CMIP: variants seen among roughly 807,000 people sequenced by gnomAD.
CMIP encodes the protein c-Maf inducing protein.
In CMIP, 13 loss-of-function variants were observed where a neutral mutation model predicts 97.3. The ratio of observed to expected loss-of-function variants is 0.13; its 90% CI spans 0.09 to 0.21. The LOEUF (loss-of-function observed/expected upper bound fraction) is 0.21. Ranked by LOEUF, CMIP falls within the 10% of genes least tolerant of loss-of-function variation. The pLI is 1.00. For synonymous variants in CMIP, 538 were observed against 436.3 expected, an observed-to-expected ratio of 1.23 and a Z score of -2.91; for missense variants, 847 against 1,024.9, an observed-to-expected ratio of 0.83 and a Z score of 2.37.
chr16:81,705,032 C>G (rs988354348), intron 18 of CMIP, among the ~76,000 whole-genome samples: 1 of 152,074 alleles, frequency 6.6e-6, no homozygotes. Context: ...CTGCACTGCT[C>G]AGTACTCTGC....
chr16:81,609,380 G>A (rs533444067), intron 2 of CMIP, among the ~76,000 whole-genome samples: 8 of 152,322 alleles, frequency 5.3e-5, no homozygotes, highest in South Asian at 2.1e-4. Context: ...CCCCCTCGGC[G>A]GGGGAGATGG....
intron 3 of CMIP, among the ~76,000 whole-genome samples, chr16:81,647,299 G>A (rs554911913): frequency 1.8e-4 from 28 of 152,226 alleles, no homozygotes; most frequent in Admixed American, 3.9e-4. Flanking sequence ...CAAAGGGCCA[G>A]ATAGCAAATA....
intron 1 of CMIP, among the ~76,000 whole-genome samples, chr16:81,461,563 C>T (rs996852380): frequency 6.6e-6 from 1 of 152,226 alleles, no homozygotes; most frequent in Non-Finnish European, 1.5e-5. Flanking sequence ...TGTAGCCCAG[C>T]TTCTTTCACT....
intron 1 of CMIP, among the ~76,000 whole-genome samples, chr16:81,521,382 C>G (rs904605820): frequency 2.0e-5 from 3 of 152,058 alleles, no homozygotes; most frequent in Non-Finnish European, 4.4e-5. Flanking sequence ...TTGCCACCCC[C>G]CCCCGAATAG....
chr16:81,670,112 C>G, intron 7 of CMIP, 30 bp from the exon 8 acceptor site: 1 of 1,586,748 alleles, frequency 6.3e-7, no homozygotes, highest in Non-Finnish European at 8.6e-7. Context: ...CTAGCACCGT[C>G]CCGACTCCTG....
At chr16:81,623,275 A>G (rs1304419714) in intron 3 of CMIP, among the ~76,000 whole-genome samples, 2 of 152,226 alleles carry the variant, frequency 1.3e-5, no homozygotes, top group African/African-American at 4.8e-5. Flanking sequence ...AACTGGGATC[A>G]CTGTGTTTCT....
At chr16:81,637,320 G>T (rs1051705734) in intron 3 of CMIP, among the ~76,000 whole-genome samples, 2 of 152,294 alleles carry the variant, frequency 1.3e-5, no homozygotes, top group Admixed American at 6.5e-5. Flanking sequence ...TGATACACCT[G>T]CCTCGGCCAC....
intron 1 of CMIP, among the ~76,000 whole-genome samples, chr16:81,455,297 T>C (rs1288296622): frequency 6.6e-6 from 1 of 152,190 alleles, no homozygotes. Flanking sequence ...GGCTATGCTA[T>C]GCAGGTTTTA....
chr16:81,617,324 G>C (rs186394292), intron 2 of CMIP: 1 of 152,470 alleles, frequency 6.6e-6, no homozygotes. Flanking sequence ...GGGGCATGCA[G>C]GTGGTAGTCC....
At chr16:81,484,582 G>C (rs2089286151) in intron 1 of CMIP, among the ~76,000 whole-genome samples, 1 of 152,102 alleles carries the variant, frequency 6.6e-6, no homozygotes. Flanking sequence ...GGCAGGAGTG[G>C]GTTTTTGTAG....
At chr16:81,577,351 CCAT>C (rs1265522070) in intron 1 of CMIP, among the ~76,000 whole-genome samples, 1 of 148,940 alleles carries the variant, frequency 6.7e-6, no homozygotes, top group African/African-American at 2.5e-5. Flanking sequence ...ACCATCATCA[CCAT>C]CACCACCATC....
At chr16:81,579,151 A>T (rs922578345) in intron 1 of CMIP, among the ~76,000 whole-genome samples, 4 of 152,014 alleles carry the variant, frequency 2.6e-5, no homozygotes, top group African/African-American at 4.8e-5. Flanking sequence ...TGGGGATGGC[A>T]CCCCCCTGCC....
At chr16:81,651,772 G>A (rs146603737) in intron 3 of CMIP, among the ~76,000 whole-genome samples, 2 of 152,298 alleles carry the variant, frequency 1.3e-5, no homozygotes, top group East Asian at 1.9e-4. Context: ...AGACAGTATA[G>A]TATGGTGGTG....
intron 4 of CMIP, among the ~76,000 whole-genome samples, chr16:81,656,822 A>G (rs555618643): frequency 6.6e-6 from 1 of 152,012 alleles, no homozygotes. Context: ...GGGTTTCACC[A>G]TGTTGGCCAG....
intron 9 of CMIP, among the ~76,000 whole-genome samples, chr16:81,677,095 G>T (rs770066305): frequency 6.6e-6 from 1 of 152,160 alleles, no homozygotes; most frequent in Non-Finnish European, 1.5e-5. Flanking sequence ...GTACCCAGGG[G>T]ATCCTGGTGT....
intron 17 of CMIP, among the ~76,000 whole-genome samples, chr16:81,703,632 C>T (rs970610132): frequency 1.3e-5 from 2 of 152,026 alleles, no homozygotes; most frequent in South Asian, 2.1e-4. Context: ...CACACACAGA[C>T]GCCTGTGGGA....
intron 1 of CMIP, among the ~76,000 whole-genome samples, chr16:81,580,553 C>A (rs73598408): frequency 0.08 from 12,061 of 151,604 alleles, 1,060 homozygotes; most frequent in African/African-American, 0.22. Context: ...TGTGCCTCAG[C>A]CTCCCAAGTA....
intron 1 of CMIP, among the ~76,000 whole-genome samples, chr16:81,527,192 C>T (rs893510762): frequency 2.0e-5 from 3 of 152,150 alleles, no homozygotes; most frequent in African/African-American, 4.8e-5. Context: ...GGTAACAAGA[C>T]GATGGTGGAG....
intron 1 of CMIP, among the ~76,000 whole-genome samples, chr16:81,499,831 G>T (rs1291092000): frequency 6.6e-6 from 1 of 152,252 alleles, no homozygotes; most frequent in Non-Finnish European, 1.5e-5. Flanking sequence ...CGCAGTTGTT[G>T]CCTGTGGCAT....
Sources: gnomAD v4.1 joint callset for allele counts (sites outside exome capture counted in the v4.1 genomes callset) on GRCh38, gnomAD v4.1.1 for gene constraint, MANE v1.5 for transcripts, NCBI Gene and HGNC (gene_info 2026-07-23, HGNC 2026-07-21) for gene names.